The following BBOF1 variants were observed in gnomAD, a reference collection of about 807,000 sequenced individuals.
The protein encoded by BBOF1 is basal body-orientation factor 1.
A neutral mutation model predicts 68.0 loss-of-function variants in BBOF1; 62 were observed. The ratio of observed to expected loss-of-function variants is 0.91; its 90% CI spans 0.74 to 1.13. The LOEUF is 1.13. BBOF1 is among the 50% of genes most tolerant of loss of function. The probability of loss-of-function intolerance (pLI) is 0.00; values close to 1 mark genes in which losing one functional copy is unlikely to be tolerated. For missense variants in BBOF1, 534 were observed against 600.1 expected (o/e 0.89, Z 1.15); for synonymous variants, 208 against 198.8 (o/e 1.05, Z -0.39).
chr14:74,060,085 TTC>T lies in BBOF1; in HGVS notation c.1578+2829_1578+2830del, dbSNP rs771635079. 1.6e-3 allele frequency: 252 copies of T among 159,124 alleles called. 2 individuals are homozygous for T. Among genetic ancestry groups the T allele is most frequent in the Non-Finnish European group, 1.1e-3 (80 of 71,770 alleles). The allele number at this position is 159,124 out of a possible 1,614,324, so 9.9% of individuals were successfully genotyped here. On this transcript the variant is annotated intron_variant, in intron 11 of 11. Coordinates refer to ENST00000394009, the MANE Select transcript of BBOF1 (RefSeq NM_025057.3). ...GGATCAACCAAAAGCGGTGAGTTATTTCTGTCCTGTTTCCCCATCTAAGAGTT... is the reference window on the plus strand; with the variant it reads ...GGATCAACCAAAAGCGGTGAGTTATTTGTCCTGTTTCCCCATCTAAGAGTT...
chr14:74,066,778 T>G (rs766867526), downstream of BBOF1: 3 of 1,613,916 alleles, frequency 1.9e-6, no homozygotes, highest in African/African-American at 2.7e-5. Context: ...TTTTCGTCCA[T>G]CAAGAAGGAT....
chr14:74,045,611 T>C (rs759465539), intron 5 of BBOF1, among the ~76,000 whole-genome samples: 1 of 152,188 alleles, frequency 6.6e-6, no homozygotes, highest in African/African-American at 2.4e-5. Context: ...GCCCGGACAA[T>C]GCTCATAGTA....
intron 8 of BBOF1, among the ~76,000 whole-genome samples, chr14:74,053,717 CT>C (rs1205753772): frequency 1.7e-3 from 238 of 141,954 alleles, no homozygotes; most frequent in Middle Eastern, 3.7e-3. Flanking sequence ...AAAACCTAAA[CT>C]TTTTTTTTTT....
rs71460945 is a variant in BBOF1, at chr14:74,035,584, A to ATTTTTTTTTTTTTTTTT, written c.495+1425_495+1441dup. ...AGGCGTGCACCACCACCCCCAGCTA[A>ATTTTTTTTTTTTTTTTT]TTTTTTTTTTTTTTTTTTTTTTTTT... On this transcript the variant is annotated intron_variant, in intron 4 of 11. Coordinates refer to ENST00000394009, the MANE Select transcript of BBOF1 (RefSeq NM_025057.3). 7.4e-5 allele frequency among the ~76,000 whole-genome samples: 6 copies of ATTTTTTTTTTTTTTTTT among 81,390 alleles called. 1 individual carries two copies. The highest frequency in any genetic ancestry group is 3.8e-4 in the African/African-American group (6 of 15,656). The allele number at this position is 81,390 out of a possible 152,430, so 53.4% of individuals were successfully genotyped here. A position where few individuals can be genotyped will look rare whatever the true frequency, so the allele number is the denominator to read the frequency against.
chr14:74,074,892 G>C (rs2139802245), intron 9 of BBOF1: 2 of 1,518,116 alleles, frequency 1.3e-6, no homozygotes, highest in South Asian at 1.1e-5. Context: ...AAAGAAGATA[G>C]AGATACCCAA....
At chr14:74,048,464 C>T (rs959353796) in intron 7 of BBOF1, 3 of 154,124 alleles carry the variant, frequency 1.9e-5, no homozygotes, top group African/African-American at 7.2e-5. Flanking sequence ...GTAAGCAATC[C>T]ACAGCAGGAA....
chr14:74,061,209 C>T (rs2060333024), intron 11 of BBOF1, among the ~76,000 whole-genome samples: 1 of 152,146 alleles, frequency 6.6e-6, no homozygotes, highest in African/African-American at 2.4e-5. Context: ...AACTCCCGGC[C>T]TCAAGTGATC....
At chr14:74,038,571 G>A (rs992986262) in intron 4 of BBOF1, among the ~76,000 whole-genome samples, 5 of 152,108 alleles carry the variant, frequency 3.3e-5, no homozygotes. Flanking sequence ...AGGTGTGAGG[G>A]TCCATGAATT....
chr14:74,037,297 T>TC (rs2059728960), intron 4 of BBOF1, among the ~76,000 whole-genome samples: 1 of 133,702 alleles, frequency 7.5e-6, no homozygotes, highest in Non-Finnish European at 1.6e-5. Context: ...TTTTTTTTTT[T>TC]TTTTCTTTTC....
In BBOF1 at chr14:74,049,798, A is replaced by T. The variant is rs746765720; in HGVS notation, c.889A>T (p.Thr297Ser). The change falls in exon 8 of 12, where the codon ACT becomes TCT. Residue 297 changes from threonine to serine, a missense_variant. Coordinates refer to ENST00000394009, the MANE Select transcript of BBOF1 (RefSeq NM_025057.3). ...TLQKKVVNLE[T>S]ALSYMTKEFE... ...TCAGAAGAAGGTAGTAAACTTGGAG[A>T]CTGCTCTGAGTTACATGACCAAAGA... is the stretch of plus-strand genomic sequence containing the variant. 1.9e-6 allele frequency: 3 copies of T among 1,614,060 alleles called. No individual in the cohort carries two copies. In the East Asian group the frequency reaches 6.7e-5, roughly 36 times the overall value.
intron 4 of BBOF1, among the ~76,000 whole-genome samples, chr14:74,039,978 G>GTC (rs1255800555): frequency 2.0e-5 from 3 of 151,890 alleles, no homozygotes; most frequent in Non-Finnish European, 1.5e-5. Flanking sequence ...TGTTAATGTT[G>GTC]TCTCTCTCTC....
intron 11 of BBOF1, among the ~76,000 whole-genome samples, chr14:74,061,260 G>A (rs998840822): frequency 2.0e-5 from 3 of 151,814 alleles, no homozygotes; most frequent in African/African-American, 4.8e-5. Context: ...TTACAAGTGT[G>A]AGCCACCGTG....
intron 4 of BBOF1, 22 bp downstream of exon 4, chr14:74,034,193 C>G: frequency 6.8e-7 from 1 of 1,477,940 alleles, no homozygotes; most frequent in East Asian, 2.6e-5. Context: ...TCCTTTTTTA[C>G]AAAAAGGAAA....
In BBOF1 at chr14:74,030,702, A is replaced by G. The variant is rs546799602; in HGVS notation, c.351+1453A>G. Among the ~76,000 whole-genome samples the G allele has an allele frequency of 2.0e-5, 3 of 152,070 alleles. No homozygotes were observed. The East Asian group carries it at 5.8e-4, about 29-fold the overall frequency. On this transcript the variant is annotated intron_variant, in intron 3 of 11. Coordinates refer to ENST00000394009, the MANE Select transcript of BBOF1 (RefSeq NM_025057.3). Reference sequence around the variant, plus strand: ...AGTAGAGACGGGATTTCACTGTGTTAGCCAGGATGGTCTCTCGATCTCCTG... The same window carrying G: ...AGTAGAGACGGGATTTCACTGTGTTGGCCAGGATGGTCTCTCGATCTCCTG...
intron 11 of BBOF1, among the ~76,000 whole-genome samples, chr14:74,063,507 C>T (rs2060393102): frequency 6.6e-6 from 1 of 151,752 alleles, no homozygotes; most frequent in South Asian, 2.1e-4. Flanking sequence ...TCAGTCCTTA[C>T]AATGTTATGA....
chr14:74,057,367 T>C (rs1386203116), intron 11 of BBOF1, 109 bp downstream of exon 11: 1 of 1,568,598 alleles, frequency 6.4e-7, no homozygotes, highest in Non-Finnish European at 8.6e-7. Flanking sequence ...ACTTCAGGGA[T>C]CAGTGGAATG....
rs116769961 is a variant in BBOF1, at chr14:74,043,253, T to A, written c.576+2608T>A. ...CTGTCCTACATTTATATATATATAT[T>A]TTTTAAGACAGAGTCGGCCAGGCGC... is the stretch of plus-strand genomic sequence containing the variant. On this transcript the variant is annotated intron_variant, in intron 5 of 11. Transcript: ENST00000394009. Among the ~76,000 whole-genome samples, 1,169 of 152,010 alleles carry A rather than the reference T, an allele frequency of 7.7e-3. 10 individuals are homozygous for A. Among genetic ancestry groups the A allele is most frequent in the African/African-American group, 0.026 (1,086 of 41,476 alleles).
At chr14:74,061,103 G>A (rs954803352) in intron 11 of BBOF1, among the ~76,000 whole-genome samples, 1 of 151,420 alleles carries the variant, frequency 6.6e-6, no homozygotes, top group South Asian at 2.1e-4. Flanking sequence ...TCAGCCTCTC[G>A]AGTAGCTGGG....
At chr14:74,035,684 C>T (rs1362384758) in intron 4 of BBOF1, among the ~76,000 whole-genome samples, 1 of 147,716 alleles carries the variant, frequency 6.8e-6, no homozygotes. Context: ...CTGGCCACCT[C>T]GGCCTCCCAA....
Sources: allele counts gnomAD v4.1 joint callset (sites outside exome capture counted in the v4.1 genomes callset), GRCh38; gene constraint gnomAD v4.1.1; transcripts MANE v1.5; gene names NCBI Gene and HGNC (gene_info 2026-07-23, HGNC 2026-07-21).